The following HELZ2 variants were observed in gnomAD, a reference collection of about 807,000 sequenced individuals.
HELZ2 encodes helicase with zinc finger 2.
Under a neutral mutation model 208.8 loss-of-function variants are expected in HELZ2, and 143 were observed. The ratio of observed to expected loss-of-function variants is 0.68; its 90% CI spans 0.60 to 0.79. The LOEUF (loss-of-function observed/expected upper bound fraction) is 0.79. Among genes scored for constraint, HELZ2 ranks in the 30% least tolerant of loss-of-function variants. The pLI, the probability that HELZ2 is intolerant of heterozygous loss-of-function variation, is 0.00. For missense variants in HELZ2, 3,690 were observed against 3,794.5 expected (o/e 0.97, Z 0.72); for synonymous variants, 1,705 against 1,693.7 (o/e 1.01, Z -0.16).
At chr20:63,566,862 G>A (rs1195463213) in exon 6 of HELZ2, 12 of 1,601,440 alleles carry the variant, frequency 7.5e-6, no homozygotes, top group East Asian at 4.5e-5. Context: ...CGTGGGAAAC[G>A]ACACAGATGC....
Position 63,569,726 on chromosome 20 carries a change from A to G in HELZ2, c.571-61T>C, listed in dbSNP as rs1377039689. 3.5e-6 allele frequency: 5 copies of G among 1,437,392 alleles called. No homozygotes were observed. In the African/African-American group the frequency reaches 7.2e-5, roughly 21 times the overall value. 89.0% of individuals were successfully genotyped at this position (1,437,392 alleles called of 1,614,324 possible). On this transcript the variant is annotated intron_variant, in intron 3 of 18. Coordinates refer to ENST00000467148, the Ensembl canonical transcript of HELZ2. ...GCTCCCCCCAACCCTCCCGAGAGGC[A>G]GCCTGGCCAGCGTAGCCCAAGTGCA...
exon 13 of HELZ2, chr20:63,561,359 T>G: frequency 6.2e-7 from 1 of 1,612,912 alleles, no homozygotes; most frequent in Non-Finnish European, 8.5e-7. Context: ...CCAGACCAGG[T>G]CCTCCCTGGA....
chr20:63,563,602 C>G, exon 8 of HELZ2: 2 of 1,535,144 alleles, frequency 1.3e-6, no homozygotes, highest in Non-Finnish European at 1.7e-6. Context: ...CGAAGCCCAG[C>G]TTGTCCAGAG....
At chr20:63,567,243 A>G in exon 6 of HELZ2, 1 of 1,608,530 alleles carries the variant, frequency 6.2e-7, no homozygotes, top group Non-Finnish European at 8.5e-7. Context: ...CCCTGGCCAC[A>G]CTGAACAGCC....
rs373974610 is a variant in HELZ2 at position 63,560,007 on chromosome 20, C to A, written c.7746G>T (p.Lys2582Asn). 1 of 1,612,352 alleles carries A rather than the reference C, an allele frequency of 6.2e-7. No individual in the cohort carries two copies. Among genetic ancestry groups the A allele is most frequent in the Non-Finnish European group, 8.5e-7 (1 of 1,179,986 alleles). Residue 2582 changes from lysine (K) to asparagine (N), a missense_variant, in exon 18 of 19, where the codon AAG (lysine) becomes AAT (asparagine). Around this residue, in one of 3 missense-constraint regions of HELZ2, gnomAD observed 2,564 missense variants for 2,580.5 expected, o/e 0.99. Transcript: ENST00000467148. ...GGTCCACAACGAAGCCCAGAAACTTCTTGAGCCAGCTCTTGGTGGGCCGCT... is the reference window on the plus strand; with the variant it reads ...GGTCCACAACGAAGCCCAGAAACTTATTGAGCCAGCTCTTGGTGGGCCGCT...
chr20:63,573,685 G>A (rs1244615895), upstream of HELZ2, among the ~76,000 whole-genome samples: 1 of 152,154 alleles, frequency 6.6e-6, no homozygotes, highest in Non-Finnish European at 1.5e-5. The surrounding 1 kb of genome is among the most constrained non-coding windows in gnomAD (Gnocchi z 4.9). Context: ...CAGGAAAAGA[G>A]GACTCCACAT....
exon 8 of HELZ2, chr20:63,563,891 C>T (rs768079632): frequency 3.5e-5 from 56 of 1,596,110 alleles, no homozygotes; most frequent in Non-Finnish European, 4.5e-5. Context: ...GAACGCCGAG[C>T]GCTCCAGGGC....
chr20:63,559,580 G>C (rs778497091), intron 18 of HELZ2, among the ~76,000 whole-genome samples: 4 of 54,466 alleles, frequency 7.3e-5, no homozygotes, highest in African/African-American at 1.3e-4. Context: ...CAGGTGGGAG[G>C]AGTCAGGGTC....
rs1342145085 is a variant in HELZ2 at position 63,568,825 on chromosome 20, G to C, written c.1263C>G (p.Ala421=). Residue 421 remains alanine, a synonymous_variant, in exon 5 of 19, where the codon GCC becomes GCG. Coordinates refer to ENST00000467148, the Ensembl canonical transcript of HELZ2. Reference sequence around the variant, plus strand: ...CCGTATTGTCGGGTGCAGGTACAGGGGCCACCAGGGCTGTGCTGACCGCCC... The same window carrying C: ...CCGTATTGTCGGGTGCAGGTACAGGCGCCACCAGGGCTGTGCTGACCGCCC... 3 of 1,612,162 alleles carry C rather than the reference G, an allele frequency of 1.9e-6. No individual in the cohort carries two copies. The African/African-American group carries it at 4.0e-5, about 22-fold the overall frequency.
chr20:63,565,614 C>T, exon 8 of HELZ2: 6 of 1,610,510 alleles, frequency 3.7e-6, no homozygotes, highest in East Asian at 2.2e-5. Context: ...GCGTCGTCAG[C>T]GTTGAGCTCC....
In HELZ2 at chr20:63,560,554, G is replaced by A. The variant is rs35745161; in HGVS notation, c.7425C>T (p.His2475=). 2,246 of 1,612,790 alleles carry A rather than the reference G, an allele frequency of 1.4e-3. 22 individuals carry two copies. In the African/African-American group the frequency reaches 0.023, roughly 16 times the overall value. ...CCGTGGACACCAGCAGGCTCCGCTC[G>A]TGGCCCTGCACGTGGCCAAAGATGA... The change falls in exon 16 of 19, where the codon CAC becomes CAT. Residue 2475 remains histidine (H), a synonymous_variant. Coordinates refer to ENST00000467148, the Ensembl canonical transcript of HELZ2.
intron 18 of HELZ2, 107 bp downstream of exon 19, chr20:63,559,821 A>T: frequency 9.0e-7 from 1 of 1,107,382 alleles, no homozygotes; most frequent in East Asian, 2.4e-5. Context: ...AGGTGGGAGG[A>T]GTCAGGGTCA....
At position 63,566,550 on chromosome 20, in the gene HELZ2, G is replaced by A. The variant is rs112290838; in HGVS notation, c.2515-97C>T. 276 of 723,214 alleles carry A rather than the reference G, an allele frequency of 3.8e-4. 1 individual carries two copies. The African/African-American group carries it at 4.2e-3, about 11-fold the overall frequency. 44.8% of individuals were successfully genotyped at this position (723,214 alleles called of 1,614,324 possible). ...GCACCCCCACCAAGCTCGGGGATGA[G>A]CGCAGGACGCAGTGAGGACTGGGCC... On this transcript the variant is annotated intron_variant, in intron 6 of 18. Coordinates refer to ENST00000467148, the Ensembl canonical transcript of HELZ2.
downstream of HELZ2, chr20:63,559,188 TG>T (rs1307158055): frequency 1.0e-4 from 86 of 847,148 alleles, no homozygotes; most frequent in Middle Eastern, 4.9e-4. Flanking sequence ...GTGGGGAGGG[TG>T]GGGGGGCCCT....
At chr20:63,560,843 G>A (rs367777820) in exon 15 of HELZ2, 97 of 1,613,190 alleles carry the variant, frequency 6.0e-5, no homozygotes, top group African/African-American at 5.5e-4. Flanking sequence ...GGTACCGCTC[G>A]AACAGAGACC....
exon 10 of HELZ2, chr20:63,562,091 C>A (rs534861635): frequency 1.9e-6 from 3 of 1,611,972 alleles, no homozygotes; most frequent in African/African-American, 2.7e-5. Context: ...CCTGAATGAC[C>A]GTGAAAGGCT....
chr20:63,567,482 C>T lies in HELZ2; in HGVS notation c.1876G>A (p.Asp626Asn), dbSNP rs1229074875. Residue 626 changes from aspartate (D) to asparagine (N), a missense_variant, in exon 6 of 19, where the codon GAC becomes AAC. Asp to Asn is a conservative substitution (Grantham distance 23, BLOSUM62 1). This residue lies in a region of HELZ2 where 1,119 missense variants were observed against 1,193.4 expected (regional missense o/e 0.94). Coordinates refer to ENST00000467148, the Ensembl canonical transcript of HELZ2. ...GTGGGCGGGCGGAAAGCCTGGCGGT[C>T]GTCGGTCAGGCAACAGTACTGCAGC... 4.9e-5 allele frequency: 77 copies of T among 1,555,798 alleles called. No homozygotes were observed. Among genetic ancestry groups the T allele is most frequent in the Non-Finnish European group, 6.3e-5 (73 of 1,150,038 alleles).
chr20:63,561,147 C>T (rs201695079), exon 14 of HELZ2: 145 of 1,612,898 alleles, frequency 9.0e-5, no homozygotes, highest in Non-Finnish European at 1.2e-4. Flanking sequence ...ATGCCTGCCT[C>T]GTCAACAAGG....
At position 63,572,435 on chromosome 20, in the gene HELZ2, G is replaced by A. The variant is rs375406867; in HGVS notation, c.-50C>T. On this transcript the variant is annotated 5_prime_UTR_variant, in exon 1 of 19. Coordinates refer to ENST00000467148, the Ensembl canonical transcript of HELZ2. The stretch of plus-strand genomic sequence containing the variant: ...GCAGCGGGACTCCCCACGCCAGCAC[G>A]GCTGCCCACGCCCCACAAACCTGCA... 135 of 1,446,014 alleles carry A rather than the reference G, an allele frequency of 9.3e-5. 1 individual carries two copies. Among genetic ancestry groups the A allele is most frequent in the South Asian group, 3.5e-4 (25 of 70,762 alleles). The allele number at this position is 1,446,014 out of a possible 1,614,324, so 89.6% of individuals were successfully genotyped here.
Sources: allele counts gnomAD v4.1 joint callset (sites outside exome capture counted in the v4.1 genomes callset), GRCh38; gene constraint gnomAD v4.1.1; regional missense constraint gnomAD v4.1.1; non-coding constraint Gnocchi (gnomAD v3.1); transcripts MANE v1.5; gene names NCBI Gene and HGNC (gene_info 2026-07-23, HGNC 2026-07-21).